The following FHIP1A variants were observed in gnomAD, a reference collection of about 807,000 sequenced individuals.
FHIP1A encodes FHF complex subunit HOOK interacting protein 1A.
Under a neutral mutation model 88.6 loss-of-function variants are expected in FHIP1A, and 61 were observed. The observed-to-expected ratio is 0.69, with a 90% CI of 0.56 to 0.85. FHIP1A has a LOEUF of 0.85. Ranked by LOEUF, FHIP1A falls within the 40% of genes least tolerant of loss-of-function variation. The pLI, the probability that FHIP1A is intolerant of heterozygous loss-of-function variation, is 0.00. For missense variants in FHIP1A, 1,154 were observed against 1,273.5 expected (o/e 0.91, Z 1.43); for synonymous variants, 478 against 496.0 (o/e 0.96, Z 0.48).
intron 3 of FHIP1A, among the ~76,000 whole-genome samples, chr4:151,504,591 T>C (rs1310703257): frequency 7.5e-6 from 1 of 133,980 alleles, no homozygotes; most frequent in Non-Finnish European, 1.7e-5. Flanking sequence ...TGTTATGTTA[T>C]GTTATGTTAT....
intron 3 of FHIP1A, chr4:151,534,555 T>C (rs1731996658): frequency 6.6e-6 from 1 of 152,246 alleles, no homozygotes; most frequent in Non-Finnish European, 1.5e-5. Context: ...TCTGCAGAGA[T>C]GATTTTTTGT....
chr4:151,630,146 T>C (rs1446340806), intron 8 of FHIP1A, among the ~76,000 whole-genome samples: 1 of 152,208 alleles, frequency 6.6e-6, no homozygotes, highest in East Asian at 1.9e-4. Context: ...CACTTTCTTC[T>C]GTAGAACTAG....
chr4:151,577,906 G>A lies in FHIP1A; in HGVS notation c.562G>A (p.Glu188Lys), dbSNP rs1188291015. 2 of 1,551,530 alleles carry A rather than the reference G, an allele frequency of 1.3e-6. No homozygotes were observed. The highest frequency in any genetic ancestry group is 2.7e-5 in the African/African-American group (2 of 72,984). The change falls in exon 5 of 14, where the codon GAA (glutamate) becomes AAA (lysine). Residue 188 changes from glutamate to lysine, a missense_variant. Coordinates refer to ENST00000435205, the MANE Select transcript of FHIP1A (RefSeq NM_001109977.3). ...TTTAGAACTCTTCTTCCACACTAGT[G>A]AAGACCAAGGCGCTGCCAACTTCCT... ...SILELFFHTS[E>K]DQGAANFLIF...
intron 3 of FHIP1A, among the ~76,000 whole-genome samples, chr4:151,541,941 A>G (rs926866421): frequency 6.6e-6 from 1 of 152,196 alleles, no homozygotes; most frequent in African/African-American, 2.4e-5. Context: ...GCCAAGTAAA[A>G]AGGGGTCCCT....
rs114239858 is a variant in FHIP1A, at chr4:151,661,366, G to A, written c.2870-1135G>A. Among the ~76,000 whole-genome samples, 527 of 150,966 alleles carry A rather than the reference G, an allele frequency of 3.5e-3. 2 individuals are homozygous for A. The highest frequency in any genetic ancestry group is 0.012 in the African/African-American group (483 of 41,120). ...CTTTATGGCATTAAAGCTGTGATAAGCCTTAATCTAAAAGGATATTTAAAG... is the reference window on the plus strand; with the variant it reads ...CTTTATGGCATTAAAGCTGTGATAAACCTTAATCTAAAAGGATATTTAAAG... On this transcript the variant is annotated intron_variant, in intron 13 of 13. Transcript: ENST00000435205.
intron 1 of FHIP1A, among the ~76,000 whole-genome samples, chr4:151,445,626 A>G (rs1350927401): frequency 6.6e-6 from 1 of 151,872 alleles, no homozygotes; most frequent in Non-Finnish European, 1.5e-5. Flanking sequence ...CTCTTATCCC[A>G]TCACCCAGGA....
At chr4:151,515,984 C>T (rs928015691) in intron 3 of FHIP1A, among the ~76,000 whole-genome samples, 6 of 152,304 alleles carry the variant, frequency 3.9e-5, no homozygotes, top group Non-Finnish European at 1.5e-5. Context: ...AAAGAGCCCA[C>T]ATCGCCAAGT....
chr4:151,571,026 G>C (rs1733582870), intron 4 of FHIP1A, among the ~76,000 whole-genome samples: 1 of 152,170 alleles, frequency 6.6e-6, no homozygotes, highest in Admixed American at 6.5e-5. Context: ...GACAGAAATA[G>C]TAAGAAGCAT....
chr4:151,556,725 A>G (rs72728179), intron 3 of FHIP1A, among the ~76,000 whole-genome samples: 44,138 of 152,070 alleles, frequency 0.29, 6,668 homozygotes, highest in Non-Finnish European at 0.34. Flanking sequence ...GAGAGAGGGA[A>G]GACAATCATT....
intron 1 of FHIP1A, among the ~76,000 whole-genome samples, chr4:151,433,206 A>G (rs1165052335): frequency 6.6e-6 from 1 of 151,898 alleles, no homozygotes; most frequent in African/African-American, 2.4e-5. Flanking sequence ...ACAGCAGTAT[A>G]TAAGATAAGT....
chr4:151,461,410 A>G lies in FHIP1A; in HGVS notation c.-248+6602A>G, dbSNP rs115864183. ...GTGAGGTATGGTGGGCATGGCACTC[A>G]TTCTCGTGACAATACCATGGTAGGA... On this transcript the variant is annotated intron_variant, in intron 2 of 13. Transcript: ENST00000435205. 5.8e-3 allele frequency among the ~76,000 whole-genome samples: 891 copies of G among 152,318 alleles called. 10 individuals are homozygous for G. The highest frequency in any genetic ancestry group is 0.01 in the Middle Eastern group (3 of 294).
intron 3 of FHIP1A, among the ~76,000 whole-genome samples, chr4:151,517,851 TA>T (rs1731302673): frequency 6.6e-6 from 1 of 152,026 alleles, no homozygotes; most frequent in South Asian, 2.1e-4. Context: ...AGGATATAAA[TA>T]AAGAAAATAT....
At chr4:151,549,480 G>C (rs1732638492) in intron 3 of FHIP1A, among the ~76,000 whole-genome samples, 1 of 134,146 alleles carries the variant, frequency 7.5e-6, no homozygotes, top group African/African-American at 2.8e-5. Flanking sequence ...GAGAGAGTGA[G>C]ACTCTGTCTA....
At chr4:151,526,554 G>A (rs1436504338) in intron 3 of FHIP1A, among the ~76,000 whole-genome samples, 1 of 147,386 alleles carries the variant, frequency 6.8e-6, no homozygotes, top group Non-Finnish European at 1.5e-5. Context: ...TTCCCAGTAG[G>A]GGCGGCCGGG....
chr4:151,602,964 A>G (rs1734931092), intron 7 of FHIP1A, among the ~76,000 whole-genome samples: 1 of 152,222 alleles, frequency 6.6e-6, no homozygotes, highest in Non-Finnish European at 1.5e-5. Flanking sequence ...CTTAAGGACT[A>G]TACCCAGCTT....
chr4:151,528,937 T>C (rs1173122969), intron 3 of FHIP1A, among the ~76,000 whole-genome samples: 1 of 152,174 alleles, frequency 6.6e-6, no homozygotes, highest in African/African-American at 2.4e-5. Flanking sequence ...CCTATACTTA[T>C]TGTAACTGGG....
At chr4:151,535,911 G>T (rs1014312074) in intron 3 of FHIP1A, among the ~76,000 whole-genome samples, 2 of 152,146 alleles carry the variant, frequency 1.3e-5, no homozygotes, top group African/African-American at 4.8e-5. Context: ...CTGAATAAAT[G>T]CTTTTGTCCC....
At chr4:151,558,408 C>T (rs1022369794) in intron 3 of FHIP1A, among the ~76,000 whole-genome samples, 6 of 151,888 alleles carry the variant, frequency 4.0e-5, no homozygotes, top group Non-Finnish European at 8.8e-5. Context: ...TGGTGGTGCA[C>T]GCCTGTATTC....
chr4:151,576,193 AGT>A (rs1307129074), intron 4 of FHIP1A, among the ~76,000 whole-genome samples: 2 of 152,220 alleles, frequency 1.3e-5, no homozygotes, highest in Non-Finnish European at 2.9e-5. Context: ...AGATGCTAGC[AGT>A]GGGAAAGGAG....
Sources: gnomAD v4.1 joint callset for allele counts (sites outside exome capture counted in the v4.1 genomes callset) on GRCh38, gnomAD v4.1.1 for gene constraint, MANE v1.5 for transcripts, NCBI Gene and HGNC (gene_info 2026-07-23, HGNC 2026-07-21) for gene names.